The following LYRM4 variants were observed in gnomAD, a reference collection of about 807,000 sequenced individuals.
The protein encoded by LYRM4 is LYR motif-containing protein 4.
A neutral mutation model predicts 11.7 loss-of-function variants in LYRM4; 9 were observed. The observed-to-expected ratio is 0.77, with a 90% CI of 0.46 to 1.34. LYRM4 has a LOEUF of 1.34. LYRM4 is among the 40% of genes most tolerant of loss of function. The probability of loss-of-function intolerance (pLI) is 0.00; values close to 1 mark genes in which losing one functional copy is unlikely to be tolerated. For synonymous variants in LYRM4, 42 were observed against 40.4 expected (o/e 1.04, Z -0.15); for missense variants, 133 against 112.5 (o/e 1.18, Z -0.82).
At chr6:5,257,094 T>G (rs1201180379) in intron 1 of LYRM4, among the ~76,000 whole-genome samples, 1 of 152,186 alleles carries the variant, frequency 6.6e-6, no homozygotes, top group East Asian at 1.9e-4. Flanking sequence ...AAAATCATCT[T>G]CTACACTGCT....
At chr6:5,114,993 G>A (rs1763054774) in intron 2 of LYRM4, among the ~76,000 whole-genome samples, 3 of 152,130 alleles carry the variant, frequency 2.0e-5, no homozygotes, top group Admixed American at 1.3e-4. Flanking sequence ...TGGGATCATA[G>A]CATAACTTGC....
At chr6:5,244,534 A>G (rs1488815998) in intron 1 of LYRM4, among the ~76,000 whole-genome samples, 2 of 152,102 alleles carry the variant, frequency 1.3e-5, no homozygotes, top group Non-Finnish European at 2.9e-5. Context: ...GTTGGAAAGG[A>G]GAAGAGAGAC....
intron 2 of LYRM4, among the ~76,000 whole-genome samples, chr6:5,200,976 T>C (rs1345977342): frequency 6.6e-6 from 1 of 152,202 alleles, no homozygotes; most frequent in African/African-American, 2.4e-5. Context: ...AAATTCCAAG[T>C]GTACTGTAAT....
intron 1 of LYRM4, among the ~76,000 whole-genome samples, chr6:5,231,053 G>C (rs1309987094): frequency 6.6e-6 from 1 of 152,176 alleles, no homozygotes; most frequent in Non-Finnish European, 1.5e-5. Flanking sequence ...AAGGTAGATG[G>C]ATCATTTGAG....
At chr6:5,248,312 C>T (rs1440577056) in intron 1 of LYRM4, among the ~76,000 whole-genome samples, 1 of 152,248 alleles carries the variant, frequency 6.6e-6, no homozygotes, top group African/African-American at 2.4e-5. Context: ...CTGGAAACAT[C>T]TGAGTAAACT....
chr6:5,066,830 C>G, the LYRM4 span: 1 of 791,098 alleles, frequency 1.3e-6, no homozygotes, highest in South Asian at 1.5e-5. Context: ...GATCCGGCCA[C>G]AGCTGCGGAG....
chr6:5,080,913 G>T, the LYRM4 span, among the ~76,000 whole-genome samples: 1 of 152,128 alleles, frequency 6.6e-6, no homozygotes, highest in African/African-American at 2.4e-5. Flanking sequence ...TGCAAATAGA[G>T]AAGAGACAAG....
At chr6:5,191,736 A>T (rs1013860188) in intron 2 of LYRM4, among the ~76,000 whole-genome samples, 5 of 152,236 alleles carry the variant, frequency 3.3e-5, no homozygotes, top group Non-Finnish European at 7.3e-5. Context: ...GTTGGGGAAC[A>T]GATTTATTAA....
At chr6:5,048,464 G>A in the LYRM4 span, among the ~76,000 whole-genome samples, 1 of 152,098 alleles carries the variant, frequency 6.6e-6, no homozygotes, top group South Asian at 2.1e-4. Flanking sequence ...ACTGGCGCAT[G>A]ACACCATGCC....
At chr6:5,193,632 CT>C (rs148492689) in intron 2 of LYRM4, among the ~76,000 whole-genome samples, 2,701 of 152,306 alleles carry the variant, frequency 0.018, 73 homozygotes, top group African/African-American at 0.062. Context: ...CAAACTAAAG[CT>C]GTTCTCTAAT....
intron 2 of LYRM4, among the ~76,000 whole-genome samples, chr6:5,206,921 G>A (rs1047020776): frequency 2.6e-5 from 4 of 152,124 alleles, no homozygotes; most frequent in Non-Finnish European, 4.4e-5. Flanking sequence ...TACCAGACTA[G>A]GGAAGATATA....
chr6:5,129,171 A>C (rs144268657), intron 2 of LYRM4, among the ~76,000 whole-genome samples: 1 of 152,216 alleles, frequency 6.6e-6, no homozygotes, highest in Non-Finnish European at 1.5e-5. Flanking sequence ...TCAGCTGGGA[A>C]TATGGGAAAT....
At chr6:5,102,404 A>C (rs1456711739), downstream of LYRM4, among the ~76,000 whole-genome samples, 1 of 152,300 alleles carries the variant, frequency 6.6e-6, no homozygotes, top group Admixed American at 6.5e-5. Context: ...TGCTCCTTTA[A>C]GACTAGAACC....
intron 2 of LYRM4, among the ~76,000 whole-genome samples, chr6:5,116,562 G>T (rs1021608988): frequency 6.6e-6 from 1 of 152,144 alleles, no homozygotes; most frequent in Admixed American, 6.5e-5. Context: ...CAGGTGTGAG[G>T]GTCTGGTCAA....
chr6:5,098,536 C>G, the LYRM4 span, among the ~76,000 whole-genome samples: 2 of 152,230 alleles, frequency 1.3e-5, no homozygotes, highest in Non-Finnish European at 2.9e-5. Flanking sequence ...ACCCCATGAT[C>G]CGAAATTCCA....
chr6:5,191,061 G>A (rs62385015), intron 2 of LYRM4, among the ~76,000 whole-genome samples: 102 of 151,958 alleles, frequency 6.7e-4, no homozygotes, highest in Admixed American at 2.4e-3. Flanking sequence ...AGAAAATCAC[G>A]GATGTACATG....
chr6:5,231,637 TAA>T (rs1377379879), intron 1 of LYRM4, among the ~76,000 whole-genome samples: 1 of 152,234 alleles, frequency 6.6e-6, no homozygotes, highest in Non-Finnish European at 1.5e-5. Flanking sequence ...GTGGCATTTC[TAA>T]AGTCTTGTCC....
rs558707525 is a variant in LYRM4 at position 5,108,574 on chromosome 6, G to C, written c.*849C>G. ...TACTGAGTCAGAATCTGCAGAGAGG[G>C]AAGTGCTGAGAGATGTCTTTTTAAA... is the stretch of plus-strand genomic sequence containing the variant. On this transcript the variant is annotated 3_prime_UTR_variant, in exon 3 of 3. Coordinates refer to ENST00000330636, the MANE Select transcript of LYRM4 (RefSeq NM_020408.6). 11 of 343,908 alleles carry C rather than the reference G, an allele frequency of 3.2e-5. No individual in the cohort carries two copies. The highest frequency in any genetic ancestry group is 4.5e-5 in the Non-Finnish European group (11 of 243,446). 21.3% of individuals were successfully genotyped at this position (343,908 alleles called of 1,614,324 possible). A position where few individuals can be genotyped will look rare whatever the true frequency, so the allele number is the denominator to read the frequency against.
chr6:5,160,947 T>C (rs1251057223), intron 2 of LYRM4, among the ~76,000 whole-genome samples: 1 of 152,178 alleles, frequency 6.6e-6, no homozygotes, highest in Non-Finnish European at 1.5e-5. Flanking sequence ...ATGTTAATAA[T>C]ATAGAAAGTC....
Sources: gnomAD v4.1 joint callset for allele counts (sites outside exome capture counted in the v4.1 genomes callset) on GRCh38, gnomAD v4.1.1 for gene constraint, MANE v1.5 for transcripts, NCBI Gene and HGNC (gene_info 2026-07-23, HGNC 2026-07-21) for gene names.